Variants in BRD10 observed in about 807,000 individuals in gnomAD.
The protein encoded by BRD10 is uncharacterized bromodomain-containing protein 10.
the BRD10 span, among the ~76,000 whole-genome samples, chr9:5,974,253 C>T: frequency 6.6e-6 from 1 of 152,088 alleles, no homozygotes; most frequent in Admixed American, 6.6e-5. Flanking sequence ...ATTAATATAA[C>T]TGTCAAACTA....
the BRD10 span, chr9:5,910,348 A>G: frequency 6.6e-6 from 1 of 152,254 alleles, no homozygotes. Context: ...AAAGAGATGT[A>G]TTACACACAT....
chr9:5,932,879 T>C, the BRD10 span, among the ~76,000 whole-genome samples: 2 of 152,184 alleles, frequency 1.3e-5, no homozygotes, highest in East Asian at 3.8e-4. Context: ...ATTATAAGAA[T>C]TAAAATCTCT....
the BRD10 span, among the ~76,000 whole-genome samples, chr9:5,885,378 T>A: frequency 4.0e-5 from 1 of 25,072 alleles, no homozygotes; most frequent in African/African-American, 8.3e-5. Flanking sequence ...ACGTATGTTA[T>A]CTCTTTTTTT....
chr9:5,995,524 T>C, the BRD10 span, among the ~76,000 whole-genome samples: 2 of 152,222 alleles, frequency 1.3e-5, no homozygotes, highest in African/African-American at 4.8e-5. Context: ...CTGAGGAACA[T>C]CTAAACTGCT....
chr9:5,892,197 T>G, the BRD10 span, among the ~76,000 whole-genome samples: 1 of 152,214 alleles, frequency 6.6e-6, no homozygotes, highest in Non-Finnish European at 1.5e-5. Context: ...CTTGCAAGTC[T>G]TTTTTGCTTT....
At chr9:5,972,222 C>T in the BRD10 span, among the ~76,000 whole-genome samples, 3 of 151,750 alleles carry the variant, frequency 2.0e-5, no homozygotes, top group African/African-American at 7.3e-5. Context: ...AATCTGGCCC[C>T]AAGATAATAG....
chr9:5,993,809 G>C, the BRD10 span, among the ~76,000 whole-genome samples: 1 of 152,250 alleles, frequency 6.6e-6, no homozygotes, highest in African/African-American at 2.4e-5. Flanking sequence ...CTGGGGCACA[G>C]AGCACAGTGC....
the BRD10 span, among the ~76,000 whole-genome samples, chr9:5,948,026 G>A: frequency 1.3e-5 from 2 of 152,196 alleles, no homozygotes; most frequent in South Asian, 2.1e-4. Context: ...AAGCCACAGA[G>A]GTTACAAGAA....
At chr9:5,905,277 A>AG in the BRD10 span, among the ~76,000 whole-genome samples, 1 of 152,160 alleles carries the variant, frequency 6.6e-6, no homozygotes, top group Non-Finnish European at 1.5e-5. Flanking sequence ...CTCTTCACCA[A>AG]GGGGACCCCA....
chr9:5,890,256 A>G, the BRD10 span, among the ~76,000 whole-genome samples: 2 of 152,210 alleles, frequency 1.3e-5, no homozygotes, highest in African/African-American at 4.8e-5. Context: ...CCTATCTGAC[A>G]TGAGAAAAAC....
the BRD10 span, among the ~76,000 whole-genome samples, chr9:5,942,477 A>T: frequency 1.3e-5 from 2 of 152,236 alleles, no homozygotes; most frequent in Non-Finnish European, 2.9e-5. Context: ...CAATAAAGTT[A>T]ATTCCTAGAA....
At chr9:5,953,924 C>G in the BRD10 span, 1 of 733,340 alleles carries the variant, frequency 1.4e-6, no homozygotes, top group African/African-American at 1.8e-5. Context: ...AAGTGTGCTA[C>G]AGTTTCTTGG....
At chr9:5,964,650 C>T in the BRD10 span, among the ~76,000 whole-genome samples, 1 of 143,966 alleles carries the variant, frequency 6.9e-6, no homozygotes, top group Non-Finnish European at 1.5e-5. Context: ...AGACTTGGAA[C>T]CAACCCAAAT....
the BRD10 span, chr9:5,920,509 C>T: frequency 1.2e-6 from 2 of 1,613,786 alleles, no homozygotes; most frequent in Non-Finnish European, 1.7e-6. Context: ...GCTGATTTGG[C>T]AGAGAAGCAA....
At chr9:6,007,399 G>C in the BRD10 span, 2 of 1,609,372 alleles carry the variant, frequency 1.2e-6, no homozygotes, top group South Asian at 2.2e-5. Context: ...GGGCTGCTGC[G>C]GGAAGGCGCG....
the BRD10 span, among the ~76,000 whole-genome samples, chr9:5,989,817 C>T: frequency 1.3e-5 from 2 of 152,320 alleles, no homozygotes; most frequent in Admixed American, 6.5e-5. Flanking sequence ...ACATGAGCCA[C>T]CCCACCCAGC....
At chr9:5,973,437 A>G in the BRD10 span, among the ~76,000 whole-genome samples, 1 of 152,372 alleles carries the variant, frequency 6.6e-6, no homozygotes, top group African/African-American at 2.4e-5. Flanking sequence ...ACTGCACTCC[A>G]GCCTGGGTGA....
chr9:5,893,689 T>C, the BRD10 span, among the ~76,000 whole-genome samples: 2 of 152,204 alleles, frequency 1.3e-5, no homozygotes, highest in African/African-American at 2.4e-5. Context: ...CTTTAAAATA[T>C]ACTTTTATGT....
the BRD10 span, chr9:5,919,765 T>C: frequency 5.0e-5 from 80 of 1,613,706 alleles, 1 homozygote; most frequent in East Asian, 1.6e-4. Flanking sequence ...GACTGGCAGA[T>C]ACAACAATCT....
Sources: allele counts gnomAD v4.1 joint callset (sites outside exome capture counted in the v4.1 genomes callset), GRCh38; gene constraint gnomAD v4.1.1; transcripts MANE v1.5; gene names NCBI Gene and HGNC (gene_info 2026-07-23, HGNC 2026-07-21).